The following BPIFB6 variants were observed in gnomAD, a reference collection of about 807,000 sequenced individuals.
The protein encoded by BPIFB6 is BPI fold-containing family B member 6.
In BPIFB6, 47 loss-of-function variants were observed where a neutral mutation model predicts 54.7. The observed-to-expected ratio is 0.86, with a 90% CI of 0.68 to 1.10. The LOEUF (loss-of-function observed/expected upper bound fraction) is 1.10, where lower values mean the gene tolerates loss of function less well. Among genes scored for constraint, BPIFB6 ranks in the 50% least tolerant of loss-of-function variants. BPIFB6 has a pLI of 0.00. For synonymous variants in BPIFB6, 255 were observed against 225.9 expected (o/e 1.13, Z -1.16); for missense variants, 603 against 564.1 (o/e 1.07, Z -0.70).
At chr20:33,037,526 G>A in intron 7 of BPIFB6, 36 bp from the exon 8 acceptor site, 1 of 1,576,126 alleles carries the variant, frequency 6.3e-7, no homozygotes, top group Non-Finnish European at 8.6e-7. Flanking sequence ...ATCCCTCTCG[G>A]CCAAGGCTGA....
chr20:33,043,772 A>G (rs1185983918), intron 14 of BPIFB6, among the ~76,000 whole-genome samples: 2 of 152,228 alleles, frequency 1.3e-5, no homozygotes, highest in African/African-American at 4.8e-5. Context: ...TGGTAAATGT[A>G]CATTTTTCTT....
At chr20:33,043,199 T>C in intron 13 of BPIFB6, 92 bp from the exon 14 acceptor site, 3 of 1,097,962 alleles carry the variant, frequency 2.7e-6, no homozygotes, top group South Asian at 1.3e-5. Context: ...AATCAATCAC[T>C]GCACTATTTC....
Position 33,041,967 on chromosome 20 carries a change from C to T in BPIFB6, c.1143-3C>T, listed in dbSNP as rs1979607211. On this transcript the variant is annotated splice_polypyrimidine_tract_variant and splice_region_variant and intron_variant, in intron 11 of 14. Coordinates refer to ENST00000349552, the MANE Select transcript of BPIFB6 (RefSeq NM_174897.2). Reference sequence around the variant, plus strand: ...CCTGGCTTGCTTCCCCACTCCCCCACAGATTACTGAGCTTGTCCCGGAAGT... The same window carrying T: ...CCTGGCTTGCTTCCCCACTCCCCCATAGATTACTGAGCTTGTCCCGGAAGT... 1 of 1,614,096 alleles carries T rather than the reference C, an allele frequency of 6.2e-7. No homozygotes were observed. Among genetic ancestry groups the T allele is most frequent in the African/African-American group, 1.3e-5 (1 of 75,044 alleles).
chr20:33,040,322 C>G lies in BPIFB6; in HGVS notation c.1142+4C>G, dbSNP rs368889894. On this transcript the variant is annotated splice_donor_region_variant and intron_variant, in intron 11 of 14. Transcript: ENST00000349552. ...AGATGGCCACTTCTTTGGACAGGTA[C>G]GACCCTGCTGCCCAATGCTGGCATC... 5 of 1,613,414 alleles carry G rather than the reference C, an allele frequency of 3.1e-6. No individual in the cohort carries two copies. The African/African-American group carries it at 6.7e-5, about 22-fold the overall frequency.
chr20:33,042,936 G>C, intron 13 of BPIFB6, 58 bp downstream of exon 13: 1 of 1,531,376 alleles, frequency 6.5e-7, no homozygotes, highest in African/African-American at 1.4e-5. Flanking sequence ...AGCAATAAGG[G>C]ATGCCACCTG....
chr20:33,040,431 G>A (rs1253749194), intron 11 of BPIFB6, 113 bp downstream of exon 11: 3 of 927,112 alleles, frequency 3.2e-6, no homozygotes, highest in Non-Finnish European at 5.1e-6. Flanking sequence ...CAACTACCAG[G>A]CTGCTCTAGC....
Position 33,032,995 on chromosome 20 carries a change from G to T in BPIFB6, c.109G>T (p.Ala37Ser). ...TGTCTCCACTCCAGAGGTCCAGAGC[G>T]CCATGGATGAGAGTCATATCCTGGA... ...GMDIMNQVQS[A>S]MDESHILEKM... The change falls in exon 2 of 15, where the codon GCC becomes TCC. Residue 37 changes from alanine to serine, a missense_variant. Transcript: ENST00000349552. 1 of 1,613,742 alleles carries T rather than the reference G, an allele frequency of 6.2e-7. No individual in the cohort carries two copies. Among genetic ancestry groups the T allele is most frequent in the Non-Finnish European group, 8.5e-7 (1 of 1,179,698 alleles).
chr20:33,040,985 CTTTT>C (rs59134684), intron 11 of BPIFB6, among the ~76,000 whole-genome samples: 36 of 116,852 alleles, frequency 3.1e-4, no homozygotes, highest in African/African-American at 1.1e-3. Context: ...AGGAGTAGTT[CTTTT>C]TTTTTTTTTT....
chr20:33,041,854 A>G (rs1979599848), intron 11 of BPIFB6, 116 bp from the exon 12 acceptor site: 6 of 844,902 alleles, frequency 7.1e-6, no homozygotes, highest in Admixed American at 2.0e-5. Context: ...TGTAGAGGGG[A>G]CTCCTGCATC....
intron 11 of BPIFB6, among the ~76,000 whole-genome samples, chr20:33,040,695 TA>T (rs1471081878): frequency 6.6e-6 from 1 of 152,258 alleles, no homozygotes; most frequent in Non-Finnish European, 1.5e-5. Context: ...TTCCTTATAC[TA>T]ATAGCAGCTA....
rs761215300 is a variant in BPIFB6 at position 33,043,319 on chromosome 20, G to A, written c.1281G>A (p.Pro427=). 1.8e-5 allele frequency: 29 copies of A among 1,614,036 alleles called. No individual in the cohort carries two copies. The highest frequency in any genetic ancestry group is 1.6e-4 in the Middle Eastern group (1 of 6,084). ...NDVLQVGLPL[P]DFLAMNYNLA... Reference sequence around the variant, plus strand: ...TGCTTCAAGTGGGGCTCCCACTCCCGGACTTTCTGGCCATGAATTACAACC... The same window carrying A: ...TGCTTCAAGTGGGGCTCCCACTCCCAGACTTTCTGGCCATGAATTACAACC... Residue 427 remains proline (P), a synonymous_variant, in exon 14 of 15, where the codon CCG becomes CCA. Coordinates refer to ENST00000349552, the MANE Select transcript of BPIFB6 (RefSeq NM_174897.2).
At chr20:33,042,087 G>C in intron 12 of BPIFB6, 72 bp downstream of exon 12, 5 of 1,495,068 alleles carry the variant, frequency 3.3e-6, no homozygotes, top group Non-Finnish European at 4.7e-6. Flanking sequence ...CGGAACTACA[G>C]GGCCGAGGCC....
intron 1 of BPIFB6, 124 bp from the exon 2 acceptor site, chr20:33,032,860 G>A (rs1374990204): frequency 2.8e-6 from 2 of 711,660 alleles, no homozygotes; most frequent in African/African-American, 1.8e-5. Flanking sequence ...GGGGCGCTGT[G>A]GGACTCATCT....
At chr20:33,039,704 A>C (rs545174792) in intron 10 of BPIFB6, among the ~76,000 whole-genome samples, 184 bp downstream of exon 10, 15 of 152,384 alleles carry the variant, frequency 9.8e-5, no homozygotes, top group African/African-American at 3.6e-4. Context: ...ATGGAGGGTC[A>C]GTGGCTTAGT....
Position 33,037,567 on chromosome 20 carries a change from G to T in BPIFB6, c.675G>T (p.Val225=), listed in dbSNP as rs760488590. The part of the protein sequence containing the change: ...ASYIQLDFSP[V]VQQQKGKTIK... ...TCCCTCCTGCTGCCCCATAGCCTGT[G>T]GTGCAGCAGCAAAAGGGCAAAACCA... Residue 225 remains valine (V), a synonymous_variant, in exon 8 of 15, where the codon GTG becomes GTT. Coordinates refer to ENST00000349552, the MANE Select transcript of BPIFB6 (RefSeq NM_174897.2). 1 of 1,610,074 alleles carries T rather than the reference G, an allele frequency of 6.2e-7. No homozygotes were observed. The highest frequency in any genetic ancestry group is 1.3e-5 in the African/African-American group (1 of 74,858).
At chr20:33,042,983 G>T (rs1979655186) in intron 13 of BPIFB6, 105 bp downstream of exon 13, 1 of 1,038,718 alleles carries the variant, frequency 9.6e-7, no homozygotes, top group Admixed American at 2.1e-5. Context: ...CCCAGATGGG[G>T]GAAGCTAAAA....
chr20:33,041,846 T>C (rs1473602795), intron 11 of BPIFB6, 124 bp from the exon 12 acceptor site: 6 of 797,508 alleles, frequency 7.5e-6, no homozygotes, highest in Non-Finnish European at 1.3e-5. Flanking sequence ...CTGAAGGCTG[T>C]AGAGGGGACT....
Position 33,034,302 on chromosome 20 carries a change from A to C in BPIFB6, c.302+12A>C, listed in dbSNP as rs1457029615. The C allele has an allele frequency of 7.6e-6, 12 of 1,589,348 alleles. No individual in the cohort carries two copies. The highest frequency in any genetic ancestry group is 1.0e-5 in the Non-Finnish European group (12 of 1,157,600). On this transcript the variant is annotated intron_variant, in intron 3 of 14. Transcript: ENST00000349552. ...GTCACTGGCAAGAGGTGAGTGTGGCAGGGGAGGGGCAGCGGGGAGGAGAAC... is the reference window on the plus strand; with the variant it reads ...GTCACTGGCAAGAGGTGAGTGTGGCCGGGGAGGGGCAGCGGGGAGGAGAAC...
chr20:33,035,497 T>C, intron 5 of BPIFB6, 115 bp from the exon 6 acceptor site: 1 of 1,078,482 alleles, frequency 9.3e-7, no homozygotes, highest in Non-Finnish European at 1.4e-6. Context: ...ACCTCAGTTT[T>C]CTCCCCAGTC....
Sources: gnomAD v4.1 joint callset for allele counts (sites outside exome capture counted in the v4.1 genomes callset) on GRCh38, gnomAD v4.1.1 for gene constraint, MANE v1.5 for transcripts, NCBI Gene and HGNC (gene_info 2026-07-23, HGNC 2026-07-21) for gene names.